The following TOX variants were observed in gnomAD, a reference collection of about 807,000 sequenced individuals.
TOX encodes thymocyte selection-associated high mobility group box protein TOX.
Under a neutral mutation model 53.7 loss-of-function variants are expected in TOX, and 11 were observed. That is an observed-to-expected ratio of 0.20 (90% confidence interval 0.13 to 0.34). The LOEUF (loss-of-function observed/expected upper bound fraction) is 0.34, where lower values mean the gene tolerates loss of function less well. Ranked by LOEUF, TOX falls within the 10% of genes least tolerant of loss-of-function variation. The pLI is 1.00. For missense variants in TOX, 570 were observed against 664.6 expected, an observed-to-expected ratio of 0.86 and a Z score of 1.56; for synonymous variants, 225 against 245.3, an observed-to-expected ratio of 0.92 and a Z score of 0.77.
chr8:58,841,884 C>T (rs1368443707), intron 4 of TOX, among the ~76,000 whole-genome samples: 4 of 152,092 alleles, frequency 2.6e-5, no homozygotes, highest in Non-Finnish European at 4.4e-5. Flanking sequence ...TAAATGAATG[C>T]TTATTCATAT....
At chr8:58,986,830 A>G (rs541907979) in intron 1 of TOX, among the ~76,000 whole-genome samples, 36 of 152,344 alleles carry the variant, frequency 2.4e-4, no homozygotes, top group Admixed American at 2.1e-3. Flanking sequence ...GTACAGAGAC[A>G]AAGGACACAT....
At chr8:59,042,874 A>G (rs1803616736) in intron 1 of TOX, among the ~76,000 whole-genome samples, 1 of 152,186 alleles carries the variant, frequency 6.6e-6, no homozygotes, top group Non-Finnish European at 1.5e-5. Flanking sequence ...TGATGTTATC[A>G]TATACAATGT....
intron 1 of TOX, among the ~76,000 whole-genome samples, chr8:59,013,286 C>T (rs939701447): frequency 1.6e-4 from 24 of 152,156 alleles, no homozygotes; most frequent in Admixed American, 5.2e-4. Context: ...ACTACACCTA[C>T]GCTGTCATCA....
chr8:58,830,067 A>G (rs994543506), intron 5 of TOX, among the ~76,000 whole-genome samples: 16 of 152,312 alleles, frequency 1.1e-4, no homozygotes, highest in Admixed American at 7.9e-4. Flanking sequence ...AGGGAAAGAC[A>G]AATATTTTAA....
intron 1 of TOX, among the ~76,000 whole-genome samples, chr8:59,026,076 AT>A (rs1407474610): frequency 6.6e-6 from 1 of 152,064 alleles, no homozygotes; most frequent in Non-Finnish European, 1.5e-5. Flanking sequence ...ATCTGCGCTC[AT>A]TCAAGGGCAT....
rs1809961790 is a variant in TOX at position 58,805,645 on chromosome 8, A to T, written c.*2102T>A. On this transcript the variant is annotated 3_prime_UTR_variant, in exon 9 of 9. Coordinates refer to ENST00000361421, the MANE Select transcript of TOX (RefSeq NM_014729.3). Reference sequence around the variant, plus strand: ...TCAGTTTAGACTTAATGCAAGTGAAATTTTTACTTTATCATAATATAATAA... The same window carrying T: ...TCAGTTTAGACTTAATGCAAGTGAATTTTTTACTTTATCATAATATAATAA... The T allele has an allele frequency of 6.6e-6, 1 of 152,630 alleles. No individual in the cohort carries two copies. Among genetic ancestry groups the T allele is most frequent in the African/African-American group, 2.4e-5 (1 of 41,442 alleles). The allele number at this position is 152,630 out of a possible 1,614,324, so 9.5% of individuals were successfully genotyped here.
intron 3 of TOX, among the ~76,000 whole-genome samples, chr8:58,909,519 G>A (rs1166614617): frequency 6.6e-6 from 1 of 152,098 alleles, no homozygotes; most frequent in Non-Finnish European, 1.5e-5. Context: ...AGTTAATTCT[G>A]TACCAGTAAC....
At chr8:58,954,410 A>T (rs780701447) in intron 2 of TOX, among the ~76,000 whole-genome samples, 2 of 152,212 alleles carry the variant, frequency 1.3e-5, no homozygotes, top group Non-Finnish European at 2.9e-5. Flanking sequence ...TTCAACAAAC[A>T]ATGCAGCATA....
chr8:58,977,301 C>G (rs7836509), intron 1 of TOX, among the ~76,000 whole-genome samples: 109,383 of 152,126 alleles, frequency 0.72, 40,101 homozygotes, highest in South Asian at 0.83. Flanking sequence ...TCCAACTTTT[C>G]TTTTGCAGCT....
At chr8:58,829,379 C>G (rs1358943722) in intron 5 of TOX, among the ~76,000 whole-genome samples, 1 of 152,156 alleles carries the variant, frequency 6.6e-6, no homozygotes, top group East Asian at 1.9e-4. Context: ...AAATGGCTCC[C>G]TATTGGCTAT....
intron 4 of TOX, among the ~76,000 whole-genome samples, chr8:58,844,101 C>T (rs568400961): frequency 6.6e-6 from 1 of 152,202 alleles, no homozygotes; most frequent in Admixed American, 6.5e-5. Flanking sequence ...TGGATGGAAG[C>T]TTATAATTTT....
At chr8:59,054,952 A>AGAGGAGGGAG (rs1169945202) in intron 1 of TOX, among the ~76,000 whole-genome samples, 1 of 125,776 alleles carries the variant, frequency 8.0e-6, no homozygotes, top group East Asian at 3.0e-4. Flanking sequence ...GGAAAAAGAG[A>AGAGGAGGGAG]GGAGGGAGGG....
At chr8:58,970,030 A>G (rs1475618998) in intron 1 of TOX, among the ~76,000 whole-genome samples, 5 of 152,224 alleles carry the variant, frequency 3.3e-5, no homozygotes, top group Non-Finnish European at 7.3e-5. Flanking sequence ...TTAAAATTAA[A>G]TGATCATTAA....
chr8:58,914,816 A>G (rs1232129836), intron 3 of TOX, among the ~76,000 whole-genome samples: 1 of 151,818 alleles, frequency 6.6e-6, no homozygotes, highest in African/African-American at 2.4e-5. Flanking sequence ...AGGGAGTGCC[A>G]GACAGTGGGC....
intron 1 of TOX, among the ~76,000 whole-genome samples, chr8:59,010,754 C>T (rs1340200048): frequency 2.0e-5 from 3 of 152,150 alleles, no homozygotes; most frequent in Non-Finnish European, 4.4e-5. Flanking sequence ...TCCACTTTTT[C>T]TGCAATAAGA....
At chr8:59,094,211 G>A (rs1369764752) in intron 1 of TOX, among the ~76,000 whole-genome samples, 4 of 152,124 alleles carry the variant, frequency 2.6e-5, no homozygotes, top group Admixed American at 2.0e-4. Flanking sequence ...TAAACTATTG[G>A]TGGATGTTAT....
At chr8:59,029,961 T>C (rs979498788) in intron 1 of TOX, among the ~76,000 whole-genome samples, 5 of 152,180 alleles carry the variant, frequency 3.3e-5, no homozygotes, top group African/African-American at 1.2e-4. Flanking sequence ...ACAGGGTTTC[T>C]CTCATCTTCT....
chr8:59,034,713 T>C (rs368470003), intron 1 of TOX, among the ~76,000 whole-genome samples: 1 of 152,052 alleles, frequency 6.6e-6, no homozygotes, highest in South Asian at 2.1e-4. Context: ...CCTTTTGCAT[T>C]TGGATGTTTG....
intron 1 of TOX, among the ~76,000 whole-genome samples, chr8:59,064,553 T>C (rs930853283): frequency 4.6e-5 from 7 of 152,234 alleles, no homozygotes; most frequent in Non-Finnish European, 4.4e-5. Context: ...AGAAATCTAT[T>C]AATGTAGTTT....
Sources: allele counts gnomAD v4.1 joint callset (sites outside exome capture counted in the v4.1 genomes callset), GRCh38; gene constraint gnomAD v4.1.1; transcripts MANE v1.5; gene names NCBI Gene and HGNC (gene_info 2026-07-23, HGNC 2026-07-21).